CD82: variants seen among roughly 807,000 people sequenced by gnomAD.
CD82 encodes the protein CD82 molecule.
In CD82, 36 loss-of-function variants were observed where a neutral mutation model predicts 37.4. The ratio of observed to expected loss-of-function variants is 0.96; its 90% CI spans 0.74 to 1.27. The LOEUF (loss-of-function observed/expected upper bound fraction) is 1.27. Among genes scored for constraint, CD82 ranks in the 50% most tolerant of loss-of-function variants. The pLI is 0.00. For synonymous variants in CD82, 158 were observed against 137.4 expected (o/e 1.15, Z -1.05); for missense variants, 340 against 347.0 (o/e 0.98, Z 0.16).
At chr11:44,586,116 A>G (rs1006390812) in intron 1 of CD82, among the ~76,000 whole-genome samples, 4 of 152,146 alleles carry the variant, frequency 2.6e-5, no homozygotes, top group African/African-American at 9.7e-5. Flanking sequence ...GGGTCTCAAT[A>G]CACTGGAACC....
At chr11:44,594,560 G>A (rs1853193659) in intron 2 of CD82, 83 bp from the exon 3 acceptor site, 8 of 839,178 alleles carry the variant, frequency 9.5e-6, no homozygotes, top group African/African-American at 1.7e-5. Flanking sequence ...GGCAGGGACA[G>A]GGTTAGTACC....
At chr11:44,598,062 T>G (rs562644810) in intron 3 of CD82, among the ~76,000 whole-genome samples, 2 of 152,328 alleles carry the variant, frequency 1.3e-5, no homozygotes, top group African/African-American at 4.8e-5. Flanking sequence ...CAGTCCCTGA[T>G]GGATAAAATC....
intron 3 of CD82, among the ~76,000 whole-genome samples, chr11:44,599,714 G>A (rs1296400478): frequency 6.6e-6 from 1 of 152,238 alleles, no homozygotes; most frequent in Non-Finnish European, 1.5e-5. Flanking sequence ...CCTGTGGCAG[G>A]TGACCCTGTT....
chr11:44,585,356 C>A, intron 1 of CD82: 1 of 455,960 alleles, frequency 2.2e-6, no homozygotes, highest in Non-Finnish European at 4.4e-6. Flanking sequence ...ACTCTTTAAG[C>A]CTGACCACAA....
At position 44,565,735 on chromosome 11, in the gene CD82, A is replaced by AG. The variant is rs1326172716; in HGVS notation, c.-103+1dup. On this transcript the variant is annotated splice_region_variant and 5_prime_UTR_variant, in exon 1 of 10. Transcript: ENST00000227155. ...GCGCGGAGCAGAAAGCAGAACCCGCAGGTGAGCAAGGGGGCAGCGGGCCGG... is the reference window on the plus strand; with the variant it reads ...GCGCGGAGCAGAAAGCAGAACCCGCAGGGTGAGCAAGGGGGCAGCGGGCCGG... 3 of 152,242 alleles carry AG rather than the reference A, an allele frequency of 2.0e-5. No individual in the cohort carries two copies. In the East Asian group the frequency reaches 5.8e-4, roughly 29 times the overall value. 9.4% of individuals were successfully genotyped at this position (152,242 alleles called of 1,614,324 possible). A position where few individuals can be genotyped will look rare whatever the true frequency, so the allele number is the denominator to read the frequency against.
chr11:44,566,480 T>C (rs1411296383), intron 1 of CD82: 1 of 152,342 alleles, frequency 6.6e-6, no homozygotes, highest in Non-Finnish European at 1.5e-5. Context: ...GTTAATTTCT[T>C]GGCTGACGGG....
At position 44,605,140 on chromosome 11, in the gene CD82, C is replaced by A. The variant is rs1853372093; in HGVS notation, c.219C>A (p.Gly73=). 2 of 1,614,210 alleles carry A rather than the reference C, an allele frequency of 1.2e-6. No homozygotes were observed. The highest frequency in any genetic ancestry group is 4.5e-5 in the East Asian group (2 of 44,878). ...TCACTATGCTCATGGGCTTCCTGGG[C>A]TGCATCGGCGCCGTCAACGAGGTCC... The part of the protein sequence containing the change: ...GAVTMLMGFL[G]CIGAVNEVRC... Residue 73 remains glycine, a synonymous_variant, in exon 5 of 10, where the codon GGC becomes GGA. Transcript: ENST00000227155.
chr11:44,600,785 C>T (rs1439184550), intron 4 of CD82, among the ~76,000 whole-genome samples: 1 of 152,230 alleles, frequency 6.6e-6, no homozygotes, highest in African/African-American at 2.4e-5. Context: ...AATCCCACCA[C>T]AGCCCTGTGA....
chr11:44,618,769 G>A, intron 9 of CD82, 46 bp downstream of exon 9: 1 of 1,524,444 alleles, frequency 6.6e-7, no homozygotes, highest in Non-Finnish European at 9.0e-7. Flanking sequence ...GGTCCTCCTG[G>A]GTTGTCTCTG....
rs1339483186 is a variant in CD82 at position 44,605,105 on chromosome 11, G to A, written c.184G>A (p.Val62Met). 8 of 1,614,090 alleles carry A rather than the reference G, an allele frequency of 5.0e-6. No homozygotes were observed. The African/African-American group carries it at 6.7e-5, about 13-fold the overall frequency. The change falls in exon 5 of 10, where the codon GTG (valine) becomes ATG (methionine). Residue 62 changes from valine (V) to methionine (M), a missense_variant. Val to Met is a conservative substitution (Grantham distance 21). Coordinates refer to ENST00000227155, the MANE Select transcript of CD82 (RefSeq NM_002231.4). Reference sequence around the variant, plus strand: ...GATGGGGGCCTATGTCTTCATCGGCGTGGGGGCAGTCACTATGCTCATGGG... The same window carrying A: ...GATGGGGGCCTATGTCTTCATCGGCATGGGGGCAGTCACTATGCTCATGGG... ...LRMGAYVFIG[V>M]GAVTMLMGFL...
intron 3 of CD82, among the ~76,000 whole-genome samples, chr11:44,595,704 G>A (rs1203202480): frequency 6.6e-6 from 1 of 151,892 alleles, no homozygotes; most frequent in African/African-American, 2.4e-5. Context: ...TTACTTGTTT[G>A]GGGAACAGGG....
At chr11:44,570,596 A>G (rs1182004219) in intron 1 of CD82, among the ~76,000 whole-genome samples, 1 of 152,224 alleles carries the variant, frequency 6.6e-6, no homozygotes, top group Admixed American at 6.5e-5. Context: ...CCTGGATGCC[A>G]CTGCCTGGTG....
At chr11:44,588,200 G>T (rs1204432996) in intron 2 of CD82, among the ~76,000 whole-genome samples, 2 of 55,590 alleles carry the variant, frequency 3.6e-5, no homozygotes, top group African/African-American at 7.2e-5. Context: ...TGCAAAGTAG[G>T]ATTTTGGGGT....
chr11:44,599,416 T>C (rs1397934015), intron 3 of CD82, among the ~76,000 whole-genome samples: 1 of 152,236 alleles, frequency 6.6e-6, no homozygotes, highest in African/African-American at 2.4e-5. Context: ...AGTGTTGGGA[T>C]TACAGGCATG....
rs563971586 is a variant in CD82, at chr11:44,587,452, G to A, written c.-102-23G>A. 222 of 456,306 alleles carry A rather than the reference G, an allele frequency of 4.9e-4. 1 individual carries two copies. The highest frequency in any genetic ancestry group is 1.3e-3 in the Admixed American group (57 of 42,580). 28.3% of individuals were successfully genotyped at this position (456,306 alleles called of 1,614,324 possible). ...TTGGAGAGTCACAGACAGGAGTGACGAGATCTGGGTCGTGTTTTTCAGAGT... is the reference window on the plus strand; with the variant it reads ...TTGGAGAGTCACAGACAGGAGTGACAAGATCTGGGTCGTGTTTTTCAGAGT... On this transcript the variant is annotated intron_variant, in intron 1 of 9. Transcript: ENST00000227155.
At chr11:44,585,088 A>C (rs1853033881) in intron 1 of CD82, 2 of 412,792 alleles carry the variant, frequency 4.8e-6, no homozygotes, top group Non-Finnish European at 9.7e-6. Context: ...TGGAGGCTAG[A>C]GGCAGAGGCT....
intron 2 of CD82, among the ~76,000 whole-genome samples, chr11:44,589,165 A>G (rs1168355572): frequency 1.3e-5 from 2 of 152,230 alleles, no homozygotes; most frequent in African/African-American, 4.8e-5. Flanking sequence ...CTGAAGCAGG[A>G]GAATCACTTG....
intron 4 of CD82, among the ~76,000 whole-genome samples, chr11:44,603,810 G>A (rs73454753): frequency 0.038 from 5,812 of 152,248 alleles, 371 homozygotes; most frequent in African/African-American, 0.13. Flanking sequence ...TCCACAGGTA[G>A]CTCTAAAGAG....
chr11:44,584,955 C>T (rs746352116), intron 1 of CD82, among the ~76,000 whole-genome samples: 10 of 152,204 alleles, frequency 6.6e-5, no homozygotes, highest in African/African-American at 2.4e-4. Context: ...CACAATAGCC[C>T]GGCCAGGCTT....
Sources: gnomAD v4.1 joint callset for allele counts (sites outside exome capture counted in the v4.1 genomes callset) on GRCh38, gnomAD v4.1.1 for gene constraint, MANE v1.5 for transcripts, NCBI Gene and HGNC (gene_info 2026-07-23, HGNC 2026-07-21) for gene names.